Variants in ANKRD26 observed in about 807,000 individuals in gnomAD.
ANKRD26 encodes the protein ankyrin repeat domain-containing protein 26.
In ANKRD26, 141 loss-of-function variants were observed where a neutral mutation model predicts 208.7. The observed-to-expected ratio is 0.68, with a 90% CI of 0.59 to 0.78. ANKRD26 has a LOEUF of 0.78. Ranked by LOEUF, ANKRD26 falls within the 30% of genes least tolerant of loss-of-function variation. The probability of loss-of-function intolerance (pLI) is 0.00; values close to 1 mark genes in which losing one functional copy is unlikely to be tolerated. For synonymous variants in ANKRD26, 636 were observed against 660.4 expected, an observed-to-expected ratio of 0.96 and a Z score of 0.57; for missense variants, 1,889 against 1,938.7, an observed-to-expected ratio of 0.97 and a Z score of 0.48.
intron 17 of ANKRD26, among the ~76,000 whole-genome samples, chr10:27,047,739 A>AATAATAATT (rs1356208709): frequency 2.4e-3 from 116 of 49,326 alleles, no homozygotes; most frequent in African/African-American, 4.3e-3. Flanking sequence ...TAATAATAAT[A>AATAATAATT]ATTATTATTA....
At chr10:27,047,241 G>A (rs2054479519) in intron 17 of ANKRD26, among the ~76,000 whole-genome samples, 1 of 152,034 alleles carries the variant, frequency 6.6e-6, no homozygotes, top group African/African-American at 2.4e-5. Context: ...ATCCTGGGTG[G>A]GGGAAAAATC....
At chr10:27,030,892 T>G (rs895184456) in intron 25 of ANKRD26, among the ~76,000 whole-genome samples, 1 of 152,248 alleles carries the variant, frequency 6.6e-6, no homozygotes, top group East Asian at 1.9e-4. Flanking sequence ...TATACAAGGA[T>G]AGGTGACAGG....
downstream of ANKRD26, among the ~76,000 whole-genome samples, chr10:27,001,538 G>A (rs1412955760): frequency 6.6e-6 from 1 of 152,156 alleles, no homozygotes; most frequent in Non-Finnish European, 1.5e-5. Flanking sequence ...GGTTAGACCA[G>A]GTATGCTATT....
Position 27,079,011 on chromosome 10 carries a change from C to A in ANKRD26, c.813+78G>T, listed in dbSNP as rs1340891044. The A allele has an allele frequency of 8.9e-6, 11 of 1,229,830 alleles. No homozygotes were observed. The Admixed American group carries it at 1.6e-4, about 17-fold the overall frequency. The allele number at this position is 1,229,830 out of a possible 1,614,324, so 76.2% of individuals were successfully genotyped here. A position where few individuals can be genotyped will look rare whatever the true frequency, so the allele number is the denominator to read the frequency against. The stretch of plus-strand genomic sequence containing the variant: ...AAACAGAAAACAATGATAAGTAGAC[C>A]ACTGCAAAATTTTAAGAGAATACTA... On this transcript the variant is annotated intron_variant, in intron 7 of 33. Coordinates refer to ENST00000376087, the MANE Select transcript of ANKRD26 (RefSeq NM_014915.3).
chr10:27,028,806 A>G (rs2053764938), intron 27 of ANKRD26, 46 bp downstream of exon 27: 2 of 1,459,370 alleles, frequency 1.4e-6, no homozygotes, highest in Non-Finnish European at 1.9e-6. Context: ...CTACTAAAGC[A>G]ATAAAATTCC....
chr10:26,994,392 T>C (rs528047416), intron 5 of ANKRD26, among the ~76,000 whole-genome samples: 2 of 152,342 alleles, frequency 1.3e-5, no homozygotes, highest in Non-Finnish European at 2.9e-5. Flanking sequence ...CCAATGGGTC[T>C]GATGATGAAC....
chr10:27,005,836 A>G (rs2052855933), intron 33 of ANKRD26, 113 bp from the exon 34 acceptor site: 2 of 1,302,458 alleles, frequency 1.5e-6, no homozygotes, highest in Non-Finnish European at 2.1e-6. Flanking sequence ...AAAGAAAAAT[A>G]TGTATGCACA....
intron 21 of ANKRD26, among the ~76,000 whole-genome samples, chr10:27,038,397 C>G (rs1209673076): frequency 6.6e-6 from 1 of 152,126 alleles, no homozygotes; most frequent in Non-Finnish European, 1.5e-5. Context: ...TGCCTGTAAT[C>G]CTATCACTTT....
At chr10:27,080,165 T>G in intron 6 of ANKRD26, 1 of 154,790 alleles carries the variant, frequency 6.5e-6, no homozygotes. Flanking sequence ...TCAAAAAAAA[T>G]AAAATAAAAT....
intron 15 of ANKRD26, among the ~76,000 whole-genome samples, chr10:27,057,179 T>C (rs868276632): frequency 3.1e-4 from 47 of 152,366 alleles, no homozygotes; most frequent in African/African-American, 9.9e-4. Flanking sequence ...ACTTTCTTCA[T>C]AGAAGAAGTC....
chr10:27,077,244 A>G, intron 9 of ANKRD26, 94 bp downstream of exon 9: 1 of 1,132,610 alleles, frequency 8.8e-7, no homozygotes, highest in Non-Finnish European at 1.3e-6. Context: ...ATTAGAAACA[A>G]AAACTGTATG....
At chr10:27,002,352 C>CCTCT (rs1564343966), downstream of ANKRD26, among the ~76,000 whole-genome samples, 1 of 152,140 alleles carries the variant, frequency 6.6e-6, no homozygotes, top group African/African-American at 2.4e-5. Flanking sequence ...AGAAAGAATT[C>CCTCT]CCAACTGGGG....
intron 9 of ANKRD26, among the ~76,000 whole-genome samples, chr10:27,072,540 C>G (rs997477073): frequency 2.0e-5 from 3 of 152,184 alleles, no homozygotes; most frequent in Non-Finnish European, 4.4e-5. Flanking sequence ...TTGGGAGATC[C>G]ATGGCCCCAA....
At chr10:27,047,048 A>G (rs2054473437) in intron 17 of ANKRD26, among the ~76,000 whole-genome samples, 4 of 152,188 alleles carry the variant, frequency 2.6e-5, no homozygotes, top group Admixed American at 2.6e-4. Flanking sequence ...GTGACAGTAA[A>G]AGGCTGGAGC....
At chr10:26,963,154 G>A in the ANKRD26 span, among the ~76,000 whole-genome samples, 2 of 152,062 alleles carry the variant, frequency 1.3e-5, no homozygotes, top group South Asian at 2.1e-4. Context: ...TTACTCCAAC[G>A]GCCACCTCTC....
chr10:27,006,146 T>C (rs1401568754), intron 33 of ANKRD26, among the ~76,000 whole-genome samples: 2 of 152,174 alleles, frequency 1.3e-5, no homozygotes, highest in East Asian at 3.8e-4. Flanking sequence ...CCTATCCCAG[T>C]TCTGAGTCAA....
chr10:26,982,204 C>T (rs934820767), intron 4 of ANKRD26, among the ~76,000 whole-genome samples: 3 of 152,170 alleles, frequency 2.0e-5, no homozygotes, highest in Admixed American at 2.0e-4. Context: ...AGAGTGAATT[C>T]AAGAGAACTG....
intron 17 of ANKRD26, 112 bp downstream of exon 17, chr10:27,048,689 A>G: frequency 1.8e-6 from 2 of 1,095,468 alleles, no homozygotes; most frequent in South Asian, 1.5e-5. Flanking sequence ...GCAAGGTTGC[A>G]TATCCCTTGC....
chr10:27,061,194 A>G lies in ANKRD26; in HGVS notation c.1412T>C (p.Met471Thr). The change falls in exon 13 of 34, where the codon ATG becomes ACG. Residue 471 changes from methionine (M) to threonine (T), a missense_variant. Coordinates refer to ENST00000376087, the MANE Select transcript of ANKRD26 (RefSeq NM_014915.3). ...SCMSGSRNFK[M>T]AKLEDTRNVG... ...ATTTCTTGTATCCTCTAGTTTAGCC[A>G]TCTTAAAGTTTCTTGATCCACTCAT... 1 of 1,612,714 alleles carries G rather than the reference A, an allele frequency of 6.2e-7. No individual in the cohort carries two copies.
Sources: gnomAD v4.1 joint callset for allele counts (sites outside exome capture counted in the v4.1 genomes callset) on GRCh38, gnomAD v4.1.1 for gene constraint, MANE v1.5 for transcripts, NCBI Gene and HGNC (gene_info 2026-07-23, HGNC 2026-07-21) for gene names.